PLEKHA6: variants seen among roughly 807,000 people sequenced by gnomAD.
PLEKHA6 encodes pleckstrin homology domain containing A6, also known as pleckstrin homology domain-containing family A member 6.
In PLEKHA6, 60 loss-of-function variants were observed where a neutral mutation model predicts 116.7. The ratio of observed to expected loss-of-function variants is 0.51; its 90% CI spans 0.42 to 0.64. The LOEUF (loss-of-function observed/expected upper bound fraction) is 0.64, where lower values mean the gene tolerates loss of function less well. Among genes scored for constraint, PLEKHA6 ranks in the 30% least tolerant of loss-of-function variants. The pLI is 0.00. For missense variants in PLEKHA6, 1,338 were observed against 1,422.7 expected (o/e 0.94, Z 0.96); for synonymous variants, 489 against 556.1 (o/e 0.88, Z 1.70).
chr1:204,294,485 T>A (rs534062095), intron 1 of PLEKHA6, among the ~76,000 whole-genome samples: 2 of 152,346 alleles, frequency 1.3e-5, no homozygotes, highest in East Asian at 3.8e-4. Flanking sequence ...AGTTAGGAAG[T>A]GAGAGAACTG....
chr1:204,233,975 T>C (rs940211065), intron 17 of PLEKHA6, among the ~76,000 whole-genome samples: 11 of 152,132 alleles, frequency 7.2e-5, no homozygotes, highest in African/African-American at 2.7e-4. Flanking sequence ...GGCATGAAAT[T>C]TGGGTATCAC....
At chr1:204,273,093 C>G (rs1323612289) in intron 3 of PLEKHA6, among the ~76,000 whole-genome samples, 1 of 152,108 alleles carries the variant, frequency 6.6e-6, no homozygotes, top group Non-Finnish European at 1.5e-5. Flanking sequence ...TCTTCCTGGC[C>G]CTCTTTGCAA....
intron 1 of PLEKHA6, among the ~76,000 whole-genome samples, chr1:204,283,093 C>T (rs1558134793): frequency 1.3e-5 from 2 of 152,202 alleles, no homozygotes; most frequent in Non-Finnish European, 2.9e-5. Flanking sequence ...AGCTGTCCGC[C>T]GCCGGGTCTA....
intron 17 of PLEKHA6, 64 bp downstream of exon 17, chr1:204,241,311 A>G: frequency 1.0e-6 from 1 of 974,000 alleles, no homozygotes; most frequent in Non-Finnish European, 1.6e-6. Context: ...ATGAGTAGGT[A>G]CACACACAGG....
At chr1:204,268,392 G>A (rs893753588) in intron 3 of PLEKHA6, 80 bp from the exon 4 acceptor site, 48 of 946,368 alleles carry the variant, frequency 5.1e-5, no homozygotes, top group Non-Finnish European at 6.8e-5. Flanking sequence ...ACCCCTGCTA[G>A]AGCTGCTTCT....
At chr1:204,309,654 C>T in intron 1 of PLEKHA6, 1 of 777,220 alleles carries the variant, frequency 1.3e-6, no homozygotes, top group Non-Finnish European at 1.6e-6. Flanking sequence ...GAATGTAGCC[C>T]CAAAATTAAG....
intron 1 of PLEKHA6, among the ~76,000 whole-genome samples, chr1:204,315,056 G>C (rs1671802441): frequency 6.6e-6 from 1 of 152,200 alleles, no homozygotes; most frequent in Non-Finnish European, 1.5e-5. Flanking sequence ...TGACAGCCCT[G>C]TCCAGCTGTT....
At chr1:204,306,221 T>A (rs1328125985) in intron 1 of PLEKHA6, among the ~76,000 whole-genome samples, 3 of 152,132 alleles carry the variant, frequency 2.0e-5, no homozygotes. Flanking sequence ...CCACCATTCC[T>A]GCGAGATCCT....
rs6689718 is a variant in PLEKHA6, at chr1:204,340,316, C to T, written c.-95+19378G>A. Among the ~76,000 whole-genome samples the T allele has an allele frequency of 9.9e-3, 1,513 of 152,246 alleles. 20 individuals are homozygous for T. Among genetic ancestry groups the T allele is most frequent in the African/African-American group, 0.033 (1,366 of 41,536 alleles). ...CTCACACAAAAGCCACCCATTATCC[C>T]GTAATTATTGTCTCTCTCGTGCCTG... On this transcript the variant is annotated intron_variant, in intron 1 of 22. Transcript: ENST00000272203.
In PLEKHA6 at chr1:204,223,383, A is replaced by T; in HGVS notation, c.*8+79T>A. The T allele has an allele frequency of 1.3e-6, 1 of 747,038 alleles. No homozygotes were observed. The highest frequency in any genetic ancestry group is 2.4e-6 in the Non-Finnish European group (1 of 412,384). The allele number at this position is 747,038 out of a possible 1,614,324, so 46.3% of individuals were successfully genotyped here. ...AGGGGAGAAGCAATACCAAAATGAG[A>T]GGGCATAGATGGCTCAATGGGGGTG... On this transcript the variant is annotated intron_variant, in intron 22 of 22. Transcript: ENST00000272203. This position sits in a 1 kb window ranked among gnomAD's most constrained non-coding sequence, Gnocchi z 4.8.
At chr1:204,337,894 T>G (rs1339721457) in intron 1 of PLEKHA6, among the ~76,000 whole-genome samples, 1 of 152,214 alleles carries the variant, frequency 6.6e-6, no homozygotes, top group African/African-American at 2.4e-5. Context: ...GTGGGTAAAG[T>G]GCTTGTCAAA....
intron 3 of PLEKHA6, among the ~76,000 whole-genome samples, chr1:204,366,753 C>T (rs145535865): frequency 7.9e-5 from 12 of 152,090 alleles, no homozygotes; most frequent in Middle Eastern, 3.4e-3. Context: ...AGAGTGAGAC[C>T]CTATCTTAAA....
intron 1 of PLEKHA6, among the ~76,000 whole-genome samples, chr1:204,358,405 A>G (rs1308902679): frequency 6.6e-6 from 1 of 152,122 alleles, no homozygotes; most frequent in Non-Finnish European, 1.5e-5. Flanking sequence ...TCGGGGGTGA[A>G]AGCTGGCGAC....
At chr1:204,352,658 C>T (rs921966083) in intron 1 of PLEKHA6, among the ~76,000 whole-genome samples, 7 of 152,220 alleles carry the variant, frequency 4.6e-5, no homozygotes, top group African/African-American at 7.2e-5. Context: ...CGTTTGCTCA[C>T]TCATCTGCTC....
chr1:204,359,158 T>A (rs1005287544), intron 1 of PLEKHA6, among the ~76,000 whole-genome samples: 7 of 152,108 alleles, frequency 4.6e-5, no homozygotes, highest in Non-Finnish European at 7.4e-5. Context: ...AGAGCTCAGA[T>A]GCGTCCTAGG....
chr1:204,276,891 C>G (rs1668068569), intron 1 of PLEKHA6: 2 of 152,632 alleles, frequency 1.3e-5, no homozygotes, highest in African/African-American at 4.8e-5. Flanking sequence ...CAGGTCATCT[C>G]AAGCAGACCC....
At chr1:204,268,463 A>C in intron 3 of PLEKHA6, 151 bp from the exon 4 acceptor site, 2 of 420,286 alleles carry the variant, frequency 4.8e-6, no homozygotes, top group Admixed American at 8.3e-5. Context: ...TCTTGGATCT[A>C]TTACTAATTC....
At chr1:204,374,360 G>A (rs1054237480) in intron 1 of PLEKHA6, among the ~76,000 whole-genome samples, 5 of 152,210 alleles carry the variant, frequency 3.3e-5, no homozygotes, top group East Asian at 1.9e-4. Context: ...AAGCCTTTCC[G>A]GCTAACCTCA....
chr1:204,259,360 C>G lies in PLEKHA6; in HGVS notation c.905G>C (p.Arg302Pro). 1 of 1,614,200 alleles carries G rather than the reference C, an allele frequency of 6.2e-7. No homozygotes were observed. Among genetic ancestry groups the G allele is most frequent in the Non-Finnish European group, 8.5e-7 (1 of 1,180,038 alleles). The change falls in exon 8 of 23, where the codon CGC (arginine) becomes CCC (proline). Residue 302 changes from arginine (R) to proline (P), a missense_variant. This residue lies in a region of PLEKHA6 where 1,136 missense variants were observed against 1,163.6 expected (regional missense o/e 0.98). Coordinates refer to ENST00000272203, the MANE Select transcript of PLEKHA6 (RefSeq NM_014935.5). This position sits in a 1 kb window ranked among gnomAD's most constrained non-coding sequence, Gnocchi z 4.6. The part of the protein sequence containing the change: ...TGGHRRSFPP[R>P]TNPDKIAQRK... Reference sequence around the variant, plus strand: ...CTGGGCAATTTTGTCAGGGTTGGTGCGTGGTGGGAAACTCCGCCGGTGTCC... The same window carrying G: ...CTGGGCAATTTTGTCAGGGTTGGTGGGTGGTGGGAAACTCCGCCGGTGTCC...
Sources: gnomAD v4.1 joint callset for allele counts (sites outside exome capture counted in the v4.1 genomes callset) on GRCh38, gnomAD v4.1.1 for gene constraint, gnomAD v4.1.1 regional missense constraint, Gnocchi (gnomAD v3.1) non-coding constraint, MANE v1.5 for transcripts, NCBI Gene and HGNC (gene_info 2026-07-23, HGNC 2026-07-21) for gene names.